MAP3K21: variants seen among roughly 807,000 people sequenced by gnomAD.
MAP3K21 encodes mitogen-activated protein kinase kinase kinase 21, also known as mitogen-activated protein kinase kinase kinase MLK4.
Under a neutral mutation model 86.1 loss-of-function variants are expected in MAP3K21, and 63 were observed. That is an observed-to-expected ratio of 0.73 (90% CI 0.60 to 0.90). The LOEUF is 0.90. Ranked by LOEUF, MAP3K21 falls within the 40% of genes least tolerant of loss-of-function variation. MAP3K21 has a pLI of 0.00. For missense variants in MAP3K21, 1,220 were observed against 1,367.7 expected, an observed-to-expected ratio of 0.89 and a Z score of 1.70; for synonymous variants, 558 against 564.8, an observed-to-expected ratio of 0.99 and a Z score of 0.17.
chr1:233,337,400 A>T (rs1662938162), intron 1 of MAP3K21, among the ~76,000 whole-genome samples: 1 of 152,216 alleles, frequency 6.6e-6, no homozygotes. Context: ...ATTCATTTTA[A>T]TATTTTACTT....
Position 233,346,707 on chromosome 1 carries a change from G to C in MAP3K21, c.986+85G>C, listed in dbSNP as rs968077332. The stretch of plus-strand genomic sequence containing the variant: ...GTCCCAAAGTATTCAGTAATTCTCA[G>C]CATAAATAGTCGAGGCCTTTTTGAA... On this transcript the variant is annotated intron_variant, in intron 2 of 9. Coordinates refer to ENST00000366624, the MANE Select transcript of MAP3K21 (RefSeq NM_032435.3). 3.9e-5 allele frequency: 47 copies of C among 1,191,614 alleles called. No homozygotes were observed. In the African/African-American group the frequency reaches 5.7e-4, roughly 15 times the overall value. The allele number at this position is 1,191,614 out of a possible 1,614,324, so 73.8% of individuals were successfully genotyped here.
chr1:233,345,193 A>C (rs1311630541), intron 1 of MAP3K21, among the ~76,000 whole-genome samples: 3 of 152,166 alleles, frequency 2.0e-5, no homozygotes, highest in Non-Finnish European at 4.4e-5. Flanking sequence ...AAGGATCTAG[A>C]ACTAGAAATA....
intron 1 of MAP3K21, among the ~76,000 whole-genome samples, chr1:233,339,386 T>C (rs144108413): frequency 0.38 from 26,556 of 69,462 alleles, 5,060 homozygotes; most frequent in East Asian, 0.52. Flanking sequence ...TTCTTCTCCT[T>C]CTTCTCCTCC....
intron 4 of MAP3K21, among the ~76,000 whole-genome samples, chr1:233,358,264 GA>G (rs949019275): frequency 4.0e-5 from 6 of 149,710 alleles, no homozygotes; most frequent in Admixed American, 2.0e-4. Flanking sequence ...TTAGTCTCAG[GA>G]AAAAAAAAGA....
rs200413184 is a variant in MAP3K21, at chr1:233,382,469, C to T, written c.2869C>T (p.Pro957Ser). ...PASLRSRSDL[P>S]QAYPQTAVSQ... ...CTCCCTGAGAAGCCGCTCAGATCTG[C>T]CTCAGGCTTACCCACAGACAGCAGT... The change falls in exon 10 of 10, where the codon CCT becomes TCT. Residue 957 changes from proline (P) to serine (S), a missense_variant. Coordinates refer to ENST00000366624, the MANE Select transcript of MAP3K21 (RefSeq NM_032435.3). The T allele has an allele frequency of 2.0e-5, 33 of 1,614,062 alleles. No individual in the cohort carries two copies. The South Asian group carries it at 3.6e-4, about 18-fold the overall frequency.
At chr1:233,355,851 C>T (rs1469699559) in intron 4 of MAP3K21, among the ~76,000 whole-genome samples, 1 of 152,168 alleles carries the variant, frequency 6.6e-6, no homozygotes, top group East Asian at 1.9e-4. Context: ...CCTTACTGGG[C>T]ACTCTCTGTG....
chr1:233,339,401 C>T (rs370824273), intron 1 of MAP3K21, among the ~76,000 whole-genome samples: 15 of 53,198 alleles, frequency 2.8e-4, no homozygotes, highest in Admixed American at 1.9e-3. Flanking sequence ...TCCTCCTTCT[C>T]CTCCTCCTCC....
intron 1 of MAP3K21, among the ~76,000 whole-genome samples, chr1:233,340,720 T>C (rs973154802): frequency 5.3e-5 from 8 of 152,216 alleles, no homozygotes; most frequent in Non-Finnish European, 8.8e-5. Context: ...TCATTCCATA[T>C]AAATTGTGGA....
intron 7 of MAP3K21, 37 bp from the exon 8 acceptor site, chr1:233,376,393 C>A: frequency 6.9e-7 from 1 of 1,439,730 alleles, no homozygotes; most frequent in Non-Finnish European, 9.8e-7. Context: ...GTGTTGTGTG[C>A]TTCTATCTTA....
rs1033231980 is a variant in MAP3K21, at chr1:233,382,677, C to T, written c.3077C>T (p.Ser1026Phe). The part of the protein sequence containing the change: ...CRMRSKTSRP[S>F]IYELEKEFLS ...ATGAGGAGCAAAACCAGCCGGCCATCTATATATGAACTGGAGAAAGAATTC... is the reference window on the plus strand; with the variant it reads ...ATGAGGAGCAAAACCAGCCGGCCATTTATATATGAACTGGAGAAAGAATTC... The change falls in exon 10 of 10, where the codon TCT becomes TTT. Residue 1026 changes from serine (S) to phenylalanine (F), a missense_variant. Transcript: ENST00000366624. The T allele has an allele frequency of 1.2e-6, 2 of 1,613,988 alleles. No individual in the cohort carries two copies. The highest frequency in any genetic ancestry group is 1.1e-5 in the South Asian group (1 of 91,068).
intron 2 of MAP3K21, among the ~76,000 whole-genome samples, chr1:233,347,348 A>G (rs1257063121): frequency 6.6e-6 from 1 of 152,190 alleles, no homozygotes; most frequent in Non-Finnish European, 1.5e-5. Context: ...TGGGAGCTGC[A>G]CTCAAATGGA....
intron 1 of MAP3K21, among the ~76,000 whole-genome samples, chr1:233,335,586 C>T (rs1263984297): frequency 6.6e-6 from 1 of 151,998 alleles, no homozygotes; most frequent in Non-Finnish European, 1.5e-5. Context: ...TCATTCAACC[C>T]ATCAGAGGGG....
Position 233,328,297 on chromosome 1 carries a change from G to A in MAP3K21, c.269G>A (p.Gly90Asp), listed in dbSNP as rs962745429. ...WWAGQVQRRL[G>D]IFPANYVAPC... is the part of the protein sequence containing the mutation. Reference sequence around the variant, plus strand: ...GCAGGCCAGGTGCAGCGGCGCCTCGGCATCTTCCCCGCCAACTACGTGGCT... The same window carrying A: ...GCAGGCCAGGTGCAGCGGCGCCTCGACATCTTCCCCGCCAACTACGTGGCT... Residue 90 changes from glycine to aspartate, a missense_variant, in exon 1 of 10, where the codon GGC becomes GAC. Transcript: ENST00000366624. This position sits in a 1 kb window ranked among gnomAD's most constrained non-coding sequence, Gnocchi z 8.7. 2 of 1,486,190 alleles carry A rather than the reference G, an allele frequency of 1.3e-6. No individual in the cohort carries two copies. The highest frequency in any genetic ancestry group is 2.3e-5 in the Admixed American group (1 of 44,300). The allele number at this position is 1,486,190 out of a possible 1,614,324, so 92.1% of individuals were successfully genotyped here. A position where few individuals can be genotyped will look rare whatever the true frequency, so the allele number is the denominator to read the frequency against.
chr1:233,373,743 G>A (rs1230244090), intron 6 of MAP3K21: 1 of 152,260 alleles, frequency 6.6e-6, no homozygotes, highest in Non-Finnish European at 1.5e-5. Flanking sequence ...CCAAATGCGG[G>A]ACAGAGAAGT....
At chr1:233,329,457 C>G (rs1662770027) in intron 1 of MAP3K21, among the ~76,000 whole-genome samples, 1 of 152,132 alleles carries the variant, frequency 6.6e-6, no homozygotes, top group Non-Finnish European at 1.5e-5. Context: ...AGTTTGAGAC[C>G]AGCCTGGCCA....
chr1:233,329,647 C>T (rs1662775034), intron 1 of MAP3K21, among the ~76,000 whole-genome samples: 1 of 150,742 alleles, frequency 6.6e-6, no homozygotes, highest in Admixed American at 6.6e-5. Flanking sequence ...GAGTGAGACT[C>T]TGTCTCAAAA....
At chr1:233,346,866 A>G (rs1430322067) in intron 2 of MAP3K21, among the ~76,000 whole-genome samples, 1 of 152,212 alleles carries the variant, frequency 6.6e-6, no homozygotes, top group Admixed American at 6.5e-5. Flanking sequence ...AACTGGTTAT[A>G]ATTTGAATTA....
intron 8 of MAP3K21, 71 bp from the exon 9 acceptor site, chr1:233,378,860 T>C (rs1663848446): frequency 9.0e-7 from 1 of 1,105,896 alleles, no homozygotes; most frequent in South Asian, 1.6e-5. Context: ...TTAGCTTTAT[T>C]TTACAATCTT....
chr1:233,343,042 C>T (rs1663067921), intron 1 of MAP3K21, among the ~76,000 whole-genome samples: 1 of 152,100 alleles, frequency 6.6e-6, no homozygotes, highest in Admixed American at 6.5e-5. Context: ...CAATTACTTA[C>T]CTAATAAGCC....
Sources: gnomAD v4.1 joint callset for allele counts (sites outside exome capture counted in the v4.1 genomes callset) on GRCh38, gnomAD v4.1.1 for gene constraint, Gnocchi (gnomAD v3.1) non-coding constraint, MANE v1.5 for transcripts, NCBI Gene and HGNC (gene_info 2026-07-23, HGNC 2026-07-21) for gene names.